Variants in PAK5 observed in about 807,000 individuals in gnomAD.
PAK5 encodes the protein p21 (RAC1) activated kinase 5.
In PAK5, 16 loss-of-function variants were observed where a neutral mutation model predicts 65.9. The ratio of observed to expected loss-of-function variants is 0.24; its 90% confidence interval spans 0.16 to 0.37. PAK5 has a LOEUF of 0.37. PAK5 is among the 10% of genes least tolerant of loss of function. The pLI, the probability that PAK5 is intolerant of heterozygous loss-of-function variation, is 1.00. For missense variants in PAK5, 785 were observed against 903.9 expected, an observed-to-expected ratio of 0.87 and a Z score of 1.69; for synonymous variants, 371 against 354.9, an observed-to-expected ratio of 1.05 and a Z score of -0.51.
chr20:9,707,166 CT>C (rs1404451337), intron 2 of PAK5, among the ~76,000 whole-genome samples: 3 of 152,018 alleles, frequency 2.0e-5, no homozygotes, highest in Non-Finnish European at 4.4e-5. Flanking sequence ...GGGTCTTGCT[CT>C]GTTGTCTAGC....
At chr20:9,648,511 C>A (rs2047163226) in intron 2 of PAK5, among the ~76,000 whole-genome samples, 2 of 151,614 alleles carry the variant, frequency 1.3e-5, no homozygotes, top group South Asian at 4.2e-4. Flanking sequence ...GCACAGCAAG[C>A]CATTCTTTAT....
chr20:9,580,467 G>C lies in PAK5; in HGVS notation c.668C>G (p.Ser223Trp). 1 of 1,613,960 alleles carries C rather than the reference G, an allele frequency of 6.2e-7. No individual in the cohort carries two copies. Among genetic ancestry groups the C allele is most frequent in the Non-Finnish European group, 8.5e-7 (1 of 1,179,904 alleles). ...SDLKWEYQRA[S>W]SSSPLDYSFQ... ...TGAATAATCCAGAGGGGAGCTACTC[G>C]AGGCTCTCTGATACTCCCACTTGAG... The change falls in exon 4 of 10, where the codon TCG (serine) becomes TGG (tryptophan). Residue 223 changes from serine to tryptophan, a missense_variant. Coordinates refer to ENST00000353224, the MANE Select transcript of PAK5 (RefSeq NM_177990.4).
intron 1 of PAK5, among the ~76,000 whole-genome samples, chr20:9,751,858 T>TA (rs1427048548): frequency 6.6e-6 from 1 of 152,152 alleles, no homozygotes; most frequent in Admixed American, 6.6e-5. Context: ...TTGTTTTTAG[T>TA]AAAAAATTCA....
chr20:9,602,240 G>A (rs902262701), intron 3 of PAK5, among the ~76,000 whole-genome samples: 1 of 150,638 alleles, frequency 6.6e-6, no homozygotes, highest in Non-Finnish European at 1.5e-5. Context: ...GCAGTGAGCC[G>A]AGATCACACC....
chr20:9,787,619 ATGTGTGTGTGTG>A (rs3061911), intron 1 of PAK5, among the ~76,000 whole-genome samples: 12 of 146,636 alleles, frequency 8.2e-5, no homozygotes, highest in Admixed American at 1.4e-4. Flanking sequence ...TATGAAAAGG[ATGTGTGTGTGTG>A]TGTGTGTGTG....
chr20:9,684,809 T>C (rs186293468), intron 2 of PAK5, among the ~76,000 whole-genome samples: 3 of 152,352 alleles, frequency 2.0e-5, no homozygotes, highest in Admixed American at 2.0e-4. Context: ...GAAGGTTTTC[T>C]TAAGACTAAA....
intron 5 of PAK5, among the ~76,000 whole-genome samples, chr20:9,565,100 AC>A (rs2045653354): frequency 6.6e-6 from 1 of 151,946 alleles, no homozygotes; most frequent in Non-Finnish European, 1.5e-5. Flanking sequence ...CATTAAATCT[AC>A]TTTACATTAA....
chr20:9,829,723 T>A (rs1049531347), intron 1 of PAK5, among the ~76,000 whole-genome samples: 2 of 152,118 alleles, frequency 1.3e-5, no homozygotes, highest in Admixed American at 1.3e-4. Flanking sequence ...ATGTTACAGA[T>A]CTCAATATTT....
chr20:9,634,219 T>C (rs552645827), intron 3 of PAK5, among the ~76,000 whole-genome samples: 3 of 152,250 alleles, frequency 2.0e-5, no homozygotes, highest in Non-Finnish European at 2.9e-5. Flanking sequence ...GCAGGTGTGA[T>C]AGATGTGACA....
intron 1 of PAK5, among the ~76,000 whole-genome samples, chr20:9,814,790 A>T (rs2049337290): frequency 6.6e-6 from 1 of 152,204 alleles, no homozygotes; most frequent in African/African-American, 2.4e-5. Context: ...CAGCAATGAC[A>T]CGAGGGTGGA....
intron 1 of PAK5, among the ~76,000 whole-genome samples, chr20:9,738,974 AT>A (rs2048421776): frequency 6.6e-6 from 1 of 152,180 alleles, no homozygotes; most frequent in Non-Finnish European, 1.5e-5. Flanking sequence ...CTGTGCAGAT[AT>A]AAACATTTCC....
intron 7 of PAK5, among the ~76,000 whole-genome samples, chr20:9,554,203 T>C (rs1379715864): frequency 1.3e-5 from 2 of 152,234 alleles, no homozygotes; most frequent in Non-Finnish European, 2.9e-5. Flanking sequence ...TTAATTTTTC[T>C]CACACTGAGG....
chr20:9,628,330 A>G (rs6039529), intron 3 of PAK5, among the ~76,000 whole-genome samples: 135,897 of 152,154 alleles, frequency 0.89, 60,889 homozygotes, highest in East Asian at 0.99. Flanking sequence ...TTTATCTTGG[A>G]TGGTTTGGCT....
intron 3 of PAK5, among the ~76,000 whole-genome samples, chr20:9,620,327 GA>G (rs879752491): frequency 7.9e-5 from 12 of 152,220 alleles, no homozygotes; most frequent in Non-Finnish European, 1.5e-4. Context: ...TCCTAAAAGG[GA>G]ACAATGAAAA....
chr20:9,563,084 G>A, intron 5 of PAK5, 60 bp from the exon 6 acceptor site: 6 of 1,483,004 alleles, frequency 4.0e-6, no homozygotes, highest in Non-Finnish European at 5.6e-6. Context: ...TTGTTCTCTT[G>A]TGGCCACAAC....
chr20:9,801,332 G>A (rs1467441132), intron 1 of PAK5, among the ~76,000 whole-genome samples: 3 of 151,758 alleles, frequency 2.0e-5, no homozygotes, highest in African/African-American at 7.3e-5. Context: ...TATTTATATA[G>A]ATATAAATAT....
intron 4 of PAK5, chr20:9,577,763 A>G (rs1212614595): frequency 6.6e-6 from 1 of 152,228 alleles, no homozygotes; most frequent in Non-Finnish European, 1.5e-5. Flanking sequence ...CCTGTGAAAC[A>G]TGGAGCAGCA....
intron 2 of PAK5, among the ~76,000 whole-genome samples, chr20:9,706,522 A>T (rs2048010024): frequency 6.7e-6 from 1 of 148,610 alleles, no homozygotes; most frequent in South Asian, 2.1e-4. Context: ...TCTGTTTCAC[A>T]GGCTAGAGTG....
chr20:9,560,481 T>C (rs2045575074), intron 6 of PAK5, among the ~76,000 whole-genome samples: 2 of 152,134 alleles, frequency 1.3e-5, no homozygotes, highest in Non-Finnish European at 1.5e-5. Flanking sequence ...TGTCTTAGCC[T>C]CTCGAGTAGC....
Sources: allele counts gnomAD v4.1 joint callset (sites outside exome capture counted in the v4.1 genomes callset), GRCh38; gene constraint gnomAD v4.1.1; transcripts MANE v1.5; gene names NCBI Gene and HGNC (gene_info 2026-07-23, HGNC 2026-07-21).